The following IL18RAP variants were observed in gnomAD, a reference collection of about 807,000 sequenced individuals.
IL18RAP encodes the protein interleukin 18 receptor accessory protein, also known as interleukin-18 receptor accessory protein.
In IL18RAP, 37 loss-of-function variants were observed where a neutral mutation model predicts 58.1. The observed-to-expected ratio is 0.64, with a 90% CI of 0.49 to 0.84. The LOEUF is 0.84. Among genes scored for constraint, IL18RAP ranks in the 40% least tolerant of loss-of-function variants. The probability of loss-of-function intolerance (pLI) is 0.00; values close to 1 mark genes in which losing one functional copy is unlikely to be tolerated. For synonymous variants in IL18RAP, 268 were observed against 257.5 expected (o/e 1.04, Z -0.39); for missense variants, 667 against 704.8 (o/e 0.95, Z 0.61).
chr2:102,441,286 T>C (rs376318875), intron 4 of IL18RAP, 26 bp from the exon 5 acceptor site: 33 of 1,596,276 alleles, frequency 2.1e-5, no homozygotes, highest in Non-Finnish European at 2.7e-5. Context: ...CCAATGCAAA[T>C]AGTAATCTTT....
intron 6 of IL18RAP, among the ~76,000 whole-genome samples, chr2:102,444,715 T>C (rs1043961119): frequency 3.3e-5 from 5 of 152,160 alleles, no homozygotes; most frequent in Admixed American, 6.5e-5. Flanking sequence ...CCCTGCAGTG[T>C]GGTCTGGGGC....
Position 102,424,003 on chromosome 2 carries a change from C to G in IL18RAP, c.263C>G (p.Pro88Arg), listed in dbSNP as rs1239966678. Residue 88 changes from proline to arginine, a missense_variant, in exon 2 of 10, where the codon CCT becomes CGT. By Grantham distance (103) the Pro-to-Arg change is moderately radical. Coordinates refer to ENST00000687160, the MANE Select transcript of IL18RAP (RefSeq NM_001393487.1). ...DLSDVQWYQQ[P>R]SNGDPLEDIR... ...TCTGATGTCCAATGGTACCAACAAC[C>G]TTCGAATGGAGATCCATTAGAGGAC... 6.2e-7 allele frequency: 1 copy of G among 1,614,066 alleles called. No homozygotes were observed. The highest frequency in any genetic ancestry group is 2.2e-5 in the East Asian group (1 of 44,870).
chr2:102,445,151 T>C, intron 6 of IL18RAP, 38 bp from the exon 7 acceptor site: 1 of 1,595,636 alleles, frequency 6.3e-7, no homozygotes, highest in Non-Finnish European at 8.6e-7. Context: ...TGTCAATGTA[T>C]GTTACTGAAT....
In IL18RAP at chr2:102,450,845, CAGATAAAAAGGAT is replaced by C; in HGVS notation, c.1211-2_1221del. On this transcript the variant is annotated splice_acceptor_variant and coding_sequence_variant, in exon 9 of 10. Transcript: ENST00000687160. LOFTEE classifies it high-confidence loss of function. ...TGTTTTTATAAATTTTCCTATTCTT[CAGATAAAAAGGAT>C]TTTGATGCTTTCGTATCCTATGCAA... 1 of 1,566,906 alleles carries C rather than the reference CAGATAAAAAGGAT, an allele frequency of 6.4e-7. No individual in the cohort carries two copies. Among genetic ancestry groups the C allele is most frequent in the Non-Finnish European group, 8.6e-7 (1 of 1,159,928 alleles).
chr2:102,443,097 G>A (rs911342203), intron 5 of IL18RAP, 103 bp from the exon 6 acceptor site: 4 of 1,109,946 alleles, frequency 3.6e-6, no homozygotes, highest in Non-Finnish European at 5.2e-6. Flanking sequence ...CTGCAAACCT[G>A]ATTGCATCAG....
chr2:102,445,433 T>A (rs1683355836), intron 7 of IL18RAP, 93 bp downstream of exon 7: 1 of 1,290,718 alleles, frequency 7.7e-7, no homozygotes, highest in Non-Finnish European at 1.1e-6. Flanking sequence ...ATGACAGCGA[T>A]TACATTTTCT....
At chr2:102,426,681 A>G (rs566932020) in intron 3 of IL18RAP, among the ~76,000 whole-genome samples, 5 of 152,244 alleles carry the variant, frequency 3.3e-5, no homozygotes, top group Non-Finnish European at 7.4e-5. Flanking sequence ...TGATGTTTTG[A>G]TATATGTATA....
At chr2:102,436,027 A>G (rs1372071143) in intron 3 of IL18RAP, among the ~76,000 whole-genome samples, 1 of 152,074 alleles carries the variant, frequency 6.6e-6, no homozygotes, top group African/African-American at 2.4e-5. Context: ...ATTAACTGTA[A>G]TTGTATTATT....
At chr2:102,449,509 GAC>G (rs1378006549) in intron 8 of IL18RAP, among the ~76,000 whole-genome samples, 1 of 152,138 alleles carries the variant, frequency 6.6e-6, no homozygotes, top group Non-Finnish European at 1.5e-5. Flanking sequence ...ATTTTGCAAA[GAC>G]AATGTTTTTA....
At chr2:102,447,281 C>A in intron 8 of IL18RAP, 74 bp downstream of exon 8, 1 of 1,487,752 alleles carries the variant, frequency 6.7e-7, no homozygotes. Context: ...ACAGAAAATA[C>A]CATCACTACC....
intron 3 of IL18RAP, among the ~76,000 whole-genome samples, chr2:102,426,009 C>T (rs1296073672): frequency 2.6e-5 from 4 of 152,208 alleles, no homozygotes; most frequent in African/African-American, 9.6e-5. Flanking sequence ...ACCTCTGATA[C>T]AGATTTGGAC....
At chr2:102,419,745 A>T (rs889047512), upstream of IL18RAP, 1 of 152,298 alleles carries the variant, frequency 6.6e-6, no homozygotes, top group African/African-American at 2.4e-5. Flanking sequence ...GGAAATCAGA[A>T]GCTTTGAGAC....
chr2:102,446,016 G>C (rs1683391757), intron 7 of IL18RAP, among the ~76,000 whole-genome samples: 1 of 152,196 alleles, frequency 6.6e-6, no homozygotes, highest in Admixed American at 6.5e-5. Flanking sequence ...CTCTGTGAAG[G>C]GGGTTTTCCC....
At chr2:102,437,492 T>C (rs1682827883) in intron 4 of IL18RAP, 130 bp downstream of exon 4, 2 of 798,870 alleles carry the variant, frequency 2.5e-6, no homozygotes, top group African/African-American at 3.6e-5. Context: ...TGTAAAACCT[T>C]TCATGTGGGC....
Position 102,423,324 on chromosome 2 carries a change from G to A in IL18RAP, c.47G>A (p.Arg16Gln), listed in dbSNP as rs142509174. The A allele has an allele frequency of 2.1e-5, 34 of 1,613,868 alleles. 1 individual carries two copies. The highest frequency in any genetic ancestry group is 5.3e-5 in the African/African-American group (4 of 74,870). Reference protein sequence around the residue: ...WIFLWLVAGERIKGFNISGCS... With the variant: ...WIFLWLVAGEQIKGFNISGCS... ...TTTCTTTGGCTTGTTGCAGGAGAGC[G>A]AATTAAAGGATTTAATATTTCAGGT... Residue 16 changes from arginine (R) to glutamine (Q), a missense_variant, in exon 1 of 10, where the codon CGA (arginine) becomes CAA (glutamine). Transcript: ENST00000687160.
In IL18RAP at chr2:102,452,425, C is replaced by T. The variant is rs995383348; in HGVS notation, c.*244C>T. On this transcript the variant is annotated 3_prime_UTR_variant, in exon 10 of 10. Coordinates refer to ENST00000687160, the MANE Select transcript of IL18RAP (RefSeq NM_001393487.1). ...TGGGTACTTTCAGTACACAACACCC[C>T]TAAGATTTCCCAGTGGTCCGAGCAG... 2 of 442,434 alleles carry T rather than the reference C, an allele frequency of 4.5e-6. No homozygotes were observed. Among genetic ancestry groups the T allele is most frequent in the African/African-American group, 3.9e-5 (2 of 50,704 alleles). 27.4% of individuals were successfully genotyped at this position (442,434 alleles called of 1,614,324 possible).
upstream of IL18RAP, chr2:102,419,567 C>CT (rs1032814958): frequency 2.0e-5 from 3 of 152,306 alleles, no homozygotes; most frequent in Admixed American, 2.0e-4. Flanking sequence ...CCAGAGACAG[C>CT]TGAAGGTGTA....
rs371835232 is a variant in IL18RAP at position 102,424,399 on chromosome 2, G to A, written c.564G>A (p.Ala188=). 104 of 1,613,712 alleles carry A rather than the reference G, an allele frequency of 6.4e-5. No homozygotes were observed. The highest frequency in any genetic ancestry group is 4.5e-4 in the Admixed American group (27 of 59,978). ...GCCAAAGTGATGCACAAAGTCCAGC[G>A]GTAACCTGGTACAAGGTAAGAGTGA... ...LSCQSDAQSP[A]VTWYKNGKLL... Residue 188 remains alanine (A), a synonymous_variant, in exon 3 of 10, where the codon GCG becomes GCA. Coordinates refer to ENST00000687160, the MANE Select transcript of IL18RAP (RefSeq NM_001393487.1).
intron 4 of IL18RAP, chr2:102,440,433 A>T (rs1683030962): frequency 6.6e-6 from 1 of 152,278 alleles, no homozygotes; most frequent in South Asian, 2.1e-4. Context: ...TAGTGGACAG[A>T]TGGCGGCGGA....
Sources: allele counts gnomAD v4.1 joint callset (sites outside exome capture counted in the v4.1 genomes callset), GRCh38; gene constraint gnomAD v4.1.1; transcripts MANE v1.5; gene names NCBI Gene and HGNC (gene_info 2026-07-23, HGNC 2026-07-21).